The following MTMR14 variants were observed in gnomAD, a reference collection of about 807,000 sequenced individuals.
The protein encoded by MTMR14 is myotubularin related protein 14.
Under a neutral mutation model 86.3 loss-of-function variants are expected in MTMR14, and 48 were observed. The ratio of observed to expected loss-of-function variants is 0.56; its 90% CI spans 0.44 to 0.71. The LOEUF (loss-of-function observed/expected upper bound fraction) is 0.71. MTMR14 is among the 30% of genes least tolerant of loss of function. The pLI is 0.00. For missense variants in MTMR14, 780 were observed against 834.6 expected (o/e 0.93, Z 0.81); for synonymous variants, 366 against 326.1 (o/e 1.12, Z -1.32).
intron 14 of MTMR14, 120 bp from the exon 15 acceptor site, chr3:9,688,576 C>A: frequency 3.6e-6 from 4 of 1,123,188 alleles, no homozygotes; most frequent in Non-Finnish European, 4.0e-6. Flanking sequence ...TAGGCTAGGA[C>A]CCGTCTCCAC....
At chr3:9,674,711 T>C (rs1316318347) in intron 7 of MTMR14, among the ~76,000 whole-genome samples, 2 of 152,218 alleles carry the variant, frequency 1.3e-5, no homozygotes, top group African/African-American at 2.4e-5. Context: ...TCACATAGTA[T>C]ACTCTCAACT....
At chr3:9,661,564 A>T (rs898915815) in intron 2 of MTMR14, among the ~76,000 whole-genome samples, 1 of 152,150 alleles carries the variant, frequency 6.6e-6, no homozygotes, top group Admixed American at 6.5e-5. Context: ...ATTCAGAGTT[A>T]TGCAAAAAAT....
At position 9,702,083 on chromosome 3, in the gene MTMR14, C is replaced by T; in HGVS notation, c.*110C>T. On this transcript the variant is annotated 3_prime_UTR_variant, in exon 19 of 19. Transcript: ENST00000296003. ...CTTCCAGGTCAGGGGAAATTTCAGT[C>T]CCCCATCTCCATCATGAACATGGCA... 7.3e-7 allele frequency: 1 copy of T among 1,371,666 alleles called. No homozygotes were observed. Among genetic ancestry groups the T allele is most frequent in the South Asian group, 1.2e-5 (1 of 84,094 alleles). 85.0% of individuals were successfully genotyped at this position (1,371,666 alleles called of 1,614,324 possible). A position where few individuals can be genotyped will look rare whatever the true frequency, so the allele number is the denominator to read the frequency against.
At chr3:9,682,723 T>C (rs1437772425) in intron 9 of MTMR14, among the ~76,000 whole-genome samples, 1 of 152,272 alleles carries the variant, frequency 6.6e-6, no homozygotes, top group African/African-American at 2.4e-5. Flanking sequence ...TTTTAGTTTC[T>C]GTGATGTGAT....
At chr3:9,682,374 G>A (rs1446319894) in intron 9 of MTMR14, among the ~76,000 whole-genome samples, 1 of 152,138 alleles carries the variant, frequency 6.6e-6, no homozygotes, top group Non-Finnish European at 1.5e-5. Flanking sequence ...CACCCTCTCT[G>A]CACAGCCCCA....
chr3:9,664,002 T>C (rs2048105528), intron 3 of MTMR14, among the ~76,000 whole-genome samples: 2 of 148,764 alleles, frequency 1.3e-5, no homozygotes, highest in Admixed American at 6.8e-5. Flanking sequence ...GTGGCCAGGC[T>C]GCTCTCAAAC....
At chr3:9,653,237 AAAAT>A (rs1453093498) in intron 1 of MTMR14, among the ~76,000 whole-genome samples, 6 of 152,266 alleles carry the variant, frequency 3.9e-5, no homozygotes, top group Admixed American at 2.6e-4. Context: ...TCCGTCTCAA[AAAAT>A]AAATAAGAGA....
In MTMR14 at chr3:9,671,109, C is replaced by T; in HGVS notation, c.616C>T (p.Leu206=). 4 of 1,614,190 alleles carry T rather than the reference C, an allele frequency of 2.5e-6. No homozygotes were observed. The highest frequency in any genetic ancestry group is 1.3e-5 in the African/African-American group (1 of 75,052). The change falls in exon 6 of 19, where the codon CTG becomes TTG. Residue 206 remains leucine, a synonymous_variant. Transcript: ENST00000296003. ...RGYDIKLLRY[L]SVKYICDLMV... The stretch of plus-strand genomic sequence containing the variant: ...CTATGACATCAAGCTGCTTCGATAC[C>T]TGTCAGTCAAATACATCTGTGACCT...
At chr3:9,652,477 G>A (rs922272855) in intron 1 of MTMR14, among the ~76,000 whole-genome samples, 1 of 152,218 alleles carries the variant, frequency 6.6e-6, no homozygotes, top group Admixed American at 6.5e-5. Context: ...AAGAGGGCCA[G>A]TACACTGGCT....
At chr3:9,657,203 C>T (rs914367086) in intron 2 of MTMR14, among the ~76,000 whole-genome samples, 2 of 152,174 alleles carry the variant, frequency 1.3e-5, no homozygotes, top group African/African-American at 4.8e-5. Flanking sequence ...GCCACCGCAC[C>T]CAACAGAGTG....
At position 9,672,751 on chromosome 3, in the gene MTMR14, G is replaced by T. The variant is rs533653482; in HGVS notation, c.744G>T (p.Pro248=). The T allele has an allele frequency of 6.8e-6, 11 of 1,613,964 alleles. No individual in the cohort carries two copies. The highest frequency in any genetic ancestry group is 9.3e-6 in the Non-Finnish European group (11 of 1,179,968). Residue 248 remains proline, a synonymous_variant, in exon 7 of 19, where the codon CCG becomes CCT. Transcript: ENST00000296003. ...RYADFTLLSI[P]YPGCEFFKEY... is the part of the protein sequence containing the mutation. ...CCGACTTCACTCTCCTCTCCATCCCGTATCCAGGTAGGGGGCTCTCTTCTA... is the reference window on the plus strand; with the variant it reads ...CCGACTTCACTCTCCTCTCCATCCCTTATCCAGGTAGGGGGCTCTCTTCTA...
chr3:9,673,111 T>A (rs2048662983), intron 7 of MTMR14, among the ~76,000 whole-genome samples: 1 of 152,236 alleles, frequency 6.6e-6, no homozygotes, highest in Non-Finnish European at 1.5e-5. Context: ...AAATACTGTT[T>A]AAGTGTAAAA....
intron 13 of MTMR14, among the ~76,000 whole-genome samples, chr3:9,687,327 G>C (rs951917937): frequency 6.6e-6 from 1 of 152,018 alleles, no homozygotes; most frequent in African/African-American, 2.4e-5. Flanking sequence ...AGGCTGAGGC[G>C]GGCGGGTCAT....
intron 10 of MTMR14, 91 bp downstream of exon 10, chr3:9,683,335 C>T: frequency 8.1e-7 from 1 of 1,241,460 alleles, no homozygotes; most frequent in Non-Finnish European, 1.2e-6. Context: ...GTTGGAGTTG[C>T]ACACCTTACT....
At position 9,697,298 on chromosome 3, in the gene MTMR14, G is replaced by T. The variant is rs181191483; in HGVS notation, c.1614-413G>T. On this transcript the variant is annotated intron_variant, in intron 17 of 18. Transcript: ENST00000296003. ...TGTTGCCCACCCTGCAAATCTGCAT[G>T]CCAGCAAGTATGGGTGACCCGGCTG... 3.4e-4 allele frequency among the ~76,000 whole-genome samples: 52 copies of T among 152,224 alleles called. 1 individual carries two copies. In the East Asian group the frequency reaches 8.1e-3, roughly 24 times the overall value.
In MTMR14 at chr3:9,685,988, AGCTGTCCCACGG is replaced by A. The variant is rs1291253088; in HGVS notation, c.1164+742_1164+753del. On this transcript the variant is annotated intron_variant, in intron 13 of 18. Transcript: ENST00000296003. ...AATGAGTCCAGGTGCCCAGCATGGA[AGCTGTCCCACGG>A]TGTCAGCTCCTTCTCTTTGGCCCCC... 4.6e-5 allele frequency among the ~76,000 whole-genome samples: 7 copies of A among 152,152 alleles called. No individual in the cohort carries two copies. In the East Asian group the frequency reaches 1.4e-3, roughly 30 times the overall value.
Position 9,662,985 on chromosome 3 carries a change from A to C in MTMR14, c.417+610A>C, listed in dbSNP as rs116085974. Among the ~76,000 whole-genome samples, 801 of 152,336 alleles carry C rather than the reference A, an allele frequency of 5.3e-3. 10 individuals are homozygous for C. Among genetic ancestry groups the C allele is most frequent in the African/African-American group, 0.018 (766 of 41,582 alleles). ...GATGAAACAGAGGCTGAGAGTGACTAAGTAACTTCCCTAAGTAGAGGGTAC... is the reference window on the plus strand; with the variant it reads ...GATGAAACAGAGGCTGAGAGTGACTCAGTAACTTCCCTAAGTAGAGGGTAC... On this transcript the variant is annotated intron_variant, in intron 3 of 18. Coordinates refer to ENST00000296003, the MANE Select transcript of MTMR14 (RefSeq NM_001077525.3).
intron 17 of MTMR14, among the ~76,000 whole-genome samples, chr3:9,694,709 G>A (rs1462710725): frequency 1.3e-5 from 2 of 152,222 alleles, no homozygotes; most frequent in African/African-American, 2.4e-5. Context: ...CCTCCATCCC[G>A]ACCTGTGTAT....
intron 7 of MTMR14, among the ~76,000 whole-genome samples, chr3:9,673,545 C>T (rs928028418): frequency 6.6e-6 from 1 of 152,156 alleles, no homozygotes. Context: ...TCCTTAAAAC[C>T]TCTCTCCTAT....
Sources: allele counts gnomAD v4.1 joint callset (sites outside exome capture counted in the v4.1 genomes callset), GRCh38; gene constraint gnomAD v4.1.1; transcripts MANE v1.5; gene names NCBI Gene and HGNC (gene_info 2026-07-23, HGNC 2026-07-21).